Variants in PTPRM observed in about 807,000 individuals in gnomAD.
PTPRM encodes the protein receptor-type tyrosine-protein phosphatase mu.
Under a neutral mutation model 186.7 loss-of-function variants are expected in PTPRM, and 47 were observed. The observed-to-expected ratio is 0.25, with a 90% CI of 0.20 to 0.32. The LOEUF is 0.32. Ranked by LOEUF, PTPRM falls within the 10% of genes least tolerant of loss-of-function variation. PTPRM has a pLI of 1.00. For synonymous variants in PTPRM, 668 were observed against 674.9 expected, an observed-to-expected ratio of 0.99 and a Z score of 0.16; for missense variants, 1,494 against 1,865.0, an observed-to-expected ratio of 0.80 and a Z score of 3.66.
At chr18:8,380,224 C>A in intron 28 of PTPRM, 72 bp from the exon 29 acceptor site, 3 of 1,512,646 alleles carry the variant, frequency 2.0e-6, no homozygotes, top group Admixed American at 1.7e-5. Flanking sequence ...CTTCCTTCTG[C>A]ATGAAATAAC....
At chr18:8,151,471 ACCGCCCCCCC>A (rs1337587211) in intron 14 of PTPRM, among the ~76,000 whole-genome samples, 2 of 91,442 alleles carry the variant, frequency 2.2e-5, no homozygotes, top group African/African-American at 8.7e-5. Context: ...CAGGCACCCC[ACCGCCCCCCC>A]CCGCCCCCCA....
chr18:8,301,518 G>A (rs1397897334), intron 20 of PTPRM, among the ~76,000 whole-genome samples: 1 of 152,210 alleles, frequency 6.6e-6, no homozygotes, highest in Non-Finnish European at 1.5e-5. Flanking sequence ...GCCAGAATCT[G>A]CAGAAGCTTC....
At chr18:8,163,044 C>T (rs1476485346) in intron 14 of PTPRM, among the ~76,000 whole-genome samples, 3 of 152,216 alleles carry the variant, frequency 2.0e-5, no homozygotes, top group African/African-American at 7.2e-5. Flanking sequence ...TCCACACGCC[C>T]CACGACAGCT....
chr18:7,593,572 T>C (rs568710082), intron 1 of PTPRM, among the ~76,000 whole-genome samples: 2 of 152,222 alleles, frequency 1.3e-5, no homozygotes, highest in Non-Finnish European at 2.9e-5. Flanking sequence ...CCCATGTACA[T>C]GACCACAGGC....
At chr18:8,270,217 A>T (rs1183148403) in intron 19 of PTPRM, 2 of 146,502 alleles carry the variant, frequency 1.4e-5, no homozygotes. Context: ...ATATATAAGA[A>T]ATTCATACAA....
chr18:8,372,172 C>T (rs2095667150), intron 24 of PTPRM, among the ~76,000 whole-genome samples: 1 of 144,200 alleles, frequency 6.9e-6, no homozygotes, highest in Non-Finnish European at 1.5e-5. Context: ...CCCGGGTTCA[C>T]GCCATTCTCC....
chr18:8,013,336 C>T (rs2084656465), intron 7 of PTPRM, among the ~76,000 whole-genome samples: 1 of 152,160 alleles, frequency 6.6e-6, no homozygotes, highest in South Asian at 2.1e-4. Flanking sequence ...CCAAAAACTT[C>T]TAATGGCCTA....
At chr18:8,148,036 T>C (rs1359212169) in intron 14 of PTPRM, among the ~76,000 whole-genome samples, 2 of 152,234 alleles carry the variant, frequency 1.3e-5, no homozygotes, top group African/African-American at 4.8e-5. Flanking sequence ...TGTTGCTGGA[T>C]TCAGTTTGCC....
At chr18:7,974,948 A>AT (rs1167833788) in intron 7 of PTPRM, among the ~76,000 whole-genome samples, 2 of 152,230 alleles carry the variant, frequency 1.3e-5, no homozygotes, top group Non-Finnish European at 1.5e-5. Flanking sequence ...ACTGGCTTCT[A>AT]TCCCATGTTT....
At chr18:8,018,794 G>A (rs1366080122) in intron 7 of PTPRM, among the ~76,000 whole-genome samples, 2 of 152,070 alleles carry the variant, frequency 1.3e-5, no homozygotes, top group Non-Finnish European at 2.9e-5. Context: ...AATAGTATAG[G>A]TGACATTCAG....
chr18:8,253,244 GC>G lies in PTPRM; in HGVS notation c.2586del (p.Ser863AlafsTer43). 1 of 1,521,340 alleles carries G rather than the reference GC, an allele frequency of 6.6e-7. No individual in the cohort carries two copies. The highest frequency in any genetic ancestry group is 8.8e-7 in the Non-Finnish European group (1 of 1,131,518). 94.2% of individuals were successfully genotyped at this position (1,521,340 alleles called of 1,614,324 possible). A position where few individuals can be genotyped will look rare whatever the true frequency, so the allele number is the denominator to read the frequency against. ...VPINDETHTM[A>X]SDTSSLVQSH... ...TTTCCTAGATGAAACCCACACAATG[GC>G]CAGCGATACCAGCAGCCTGGTGCAG... On this transcript the variant is annotated frameshift_variant, in exon 19 of 33. Coordinates refer to ENST00000580170, the MANE Select transcript of PTPRM (RefSeq NM_001105244.2). LOFTEE classifies it high-confidence loss of function.
At chr18:7,873,419 T>G (rs1442669708) in intron 2 of PTPRM, among the ~76,000 whole-genome samples, 1 of 152,242 alleles carries the variant, frequency 6.6e-6, no homozygotes, top group Non-Finnish European at 1.5e-5. Context: ...CTGACTGGAT[T>G]ACAATCTGCT....
At chr18:8,151,975 A>T (rs1192158520) in intron 14 of PTPRM, among the ~76,000 whole-genome samples, 1 of 152,048 alleles carries the variant, frequency 6.6e-6, no homozygotes, top group Non-Finnish European at 1.5e-5. Context: ...CTCGCCCTCC[A>T]TGGGCTGCAC....
intron 14 of PTPRM, among the ~76,000 whole-genome samples, chr18:8,153,093 T>G (rs1462973834): frequency 2.6e-5 from 4 of 152,202 alleles, no homozygotes; most frequent in Admixed American, 6.5e-5. Context: ...TAGTTTGTAC[T>G]TTTTAAAAAC....
Position 7,711,429 on chromosome 18 carries a change from C to T in PTPRM, c.74-62720C>T, listed in dbSNP as rs529630875. ...GCCATTTGGGCAGACACCGAGCTAG[C>T]TGCAGGAATTTTTTTTCATGCCACA... On this transcript the variant is annotated intron_variant, in intron 1 of 32. Coordinates refer to ENST00000580170, the MANE Select transcript of PTPRM (RefSeq NM_001105244.2). 1.1e-4 allele frequency among the ~76,000 whole-genome samples: 16 copies of T among 152,316 alleles called. No individual in the cohort carries two copies. The South Asian group carries it at 3.3e-3, about 32-fold the overall frequency.
chr18:7,871,069 A>G (rs2047961038), intron 2 of PTPRM, among the ~76,000 whole-genome samples: 1 of 152,220 alleles, frequency 6.6e-6, no homozygotes, highest in Non-Finnish European at 1.5e-5. Context: ...TTTTAATGTG[A>G]ACTGCTATTA....
At chr18:7,609,482 T>C (rs2037618461) in intron 1 of PTPRM, among the ~76,000 whole-genome samples, 1 of 151,514 alleles carries the variant, frequency 6.6e-6, no homozygotes, top group African/African-American at 2.4e-5. Flanking sequence ...TAGAATGAGA[T>C]CATGGAATAG....
intron 2 of PTPRM, among the ~76,000 whole-genome samples, chr18:7,820,876 G>A (rs2045150209): frequency 6.6e-6 from 1 of 152,168 alleles, no homozygotes; most frequent in South Asian, 2.1e-4. Flanking sequence ...TGCTGTGGAG[G>A]GAAGTGCGGC....
chr18:8,119,709 C>T (rs1266448549), intron 13 of PTPRM, among the ~76,000 whole-genome samples: 1 of 152,080 alleles, frequency 6.6e-6, no homozygotes, highest in Non-Finnish European at 1.5e-5. Flanking sequence ...TTTTAAGGAA[C>T]ACTGGAGTCA....
Sources: gnomAD v4.1 joint callset for allele counts (sites outside exome capture counted in the v4.1 genomes callset) on GRCh38, gnomAD v4.1.1 for gene constraint, MANE v1.5 for transcripts, NCBI Gene and HGNC (gene_info 2026-07-23, HGNC 2026-07-21) for gene names.